The following SSBP2 variants were observed in gnomAD, a reference collection of about 807,000 sequenced individuals.
SSBP2 encodes single stranded DNA binding protein 2.
Under a neutral mutation model 61.8 loss-of-function variants are expected in SSBP2, and 17 were observed. That is an observed-to-expected ratio of 0.28 (90% confidence interval 0.19 to 0.41). The LOEUF (loss-of-function observed/expected upper bound fraction) is 0.41. Among genes scored for constraint, SSBP2 ranks in the 10% least tolerant of loss-of-function variants. SSBP2 has a pLI of 1.00. For missense variants in SSBP2, 310 were observed against 458.7 expected, an observed-to-expected ratio of 0.68 and a Z score of 2.96; for synonymous variants, 139 against 141.3, an observed-to-expected ratio of 0.98 and a Z score of 0.12.
intron 2 of SSBP2, among the ~76,000 whole-genome samples, chr5:81,641,698 C>A (rs947542458): frequency 1.3e-5 from 2 of 152,148 alleles, no homozygotes; most frequent in Admixed American, 1.3e-4. Context: ...AAACCACATT[C>A]ACTGTAGTAT....
intron 6 of SSBP2, among the ~76,000 whole-genome samples, chr5:81,478,836 T>G (rs1012569122): frequency 2.0e-5 from 3 of 152,206 alleles, no homozygotes; most frequent in Non-Finnish European, 4.4e-5. Context: ...GACACTTAAC[T>G]TCTGTCTCAT....
At chr5:81,433,171 G>A (rs970193014) in intron 15 of SSBP2, among the ~76,000 whole-genome samples, 320 of 152,196 alleles carry the variant, frequency 2.1e-3, no homozygotes, top group South Asian at 3.7e-3. Context: ...AGAAAAGGGG[G>A]AAAGGTGGGG....
At chr5:81,471,566 A>C (rs1765247812) in intron 8 of SSBP2, among the ~76,000 whole-genome samples, 1 of 152,034 alleles carries the variant, frequency 6.6e-6, no homozygotes, top group Non-Finnish European at 1.5e-5. Context: ...CTTAGCCAAT[A>C]AAATACCTAT....
At chr5:81,750,927 C>T (rs1757726113) in intron 1 of SSBP2, 54 bp downstream of exon 1, 1 of 1,534,194 alleles carries the variant, frequency 6.5e-7, no homozygotes, top group Non-Finnish European at 8.8e-7. Flanking sequence ...CGAGTGCGTG[C>T]GTGAGTGTGC....
At chr5:81,420,570 TC>T (rs778357305) in intron 16 of SSBP2, 37 bp from the exon 17 acceptor site, 2 of 1,569,114 alleles carry the variant, frequency 1.3e-6, no homozygotes, top group South Asian at 1.1e-5. Context: ...TAACAACAAT[TC>T]TTTTAGAGAT....
chr5:81,601,902 T>C (rs1744402999), intron 4 of SSBP2, among the ~76,000 whole-genome samples: 1 of 152,146 alleles, frequency 6.6e-6, no homozygotes, highest in Admixed American at 6.5e-5. Flanking sequence ...TCAAAACACC[T>C]AGTTATTCAG....
chr5:81,719,883 C>G (rs1276035794), intron 1 of SSBP2, among the ~76,000 whole-genome samples: 1 of 152,068 alleles, frequency 6.6e-6, no homozygotes, highest in Non-Finnish European at 1.5e-5. Flanking sequence ...TGCCTGTTAC[C>G]TGGCCCTGGG....
At chr5:81,667,375 A>G (rs1751235793) in intron 1 of SSBP2, among the ~76,000 whole-genome samples, 1 of 151,676 alleles carries the variant, frequency 6.6e-6, no homozygotes, top group African/African-American at 2.4e-5. Context: ...AGAGCAGGCA[A>G]AGAACCATTG....
intron 1 of SSBP2, among the ~76,000 whole-genome samples, chr5:81,730,653 T>A (rs1388187030): frequency 1.3e-5 from 2 of 152,230 alleles, no homozygotes; most frequent in African/African-American, 4.8e-5. Flanking sequence ...ATAATATAAA[T>A]TATAGGTCAT....
intron 1 of SSBP2, among the ~76,000 whole-genome samples, chr5:81,696,452 G>GA (rs1343004468): frequency 6.6e-6 from 1 of 152,210 alleles, no homozygotes; most frequent in South Asian, 2.1e-4. Flanking sequence ...CGAAGAAATG[G>GA]AAAAAATCCC....
At chr5:81,590,471 T>C (rs543343844) in intron 4 of SSBP2, among the ~76,000 whole-genome samples, 1 of 152,230 alleles carries the variant, frequency 6.6e-6, no homozygotes, top group Non-Finnish European at 1.5e-5. Context: ...ACATGAGCAC[T>C]TGATTATCTG....
intron 4 of SSBP2, among the ~76,000 whole-genome samples, chr5:81,573,789 A>G (rs1166563811): frequency 6.6e-6 from 1 of 152,242 alleles, no homozygotes; most frequent in African/African-American, 2.4e-5. Flanking sequence ...AACAAAAGAC[A>G]TAGAAACCAG....
At chr5:81,743,740 C>CTTT (rs1757178066) in intron 1 of SSBP2, among the ~76,000 whole-genome samples, 1 of 152,102 alleles carries the variant, frequency 6.6e-6, no homozygotes, top group African/African-American at 2.4e-5. Context: ...AGTTTTCCTC[C>CTTT]CTGATTGGTG....
At chr5:81,647,158 A>T in intron 2 of SSBP2, among the ~76,000 whole-genome samples, 1 of 152,144 alleles carries the variant, frequency 6.6e-6, no homozygotes, top group East Asian at 1.9e-4. Flanking sequence ...AAATAACTGT[A>T]CAAATAATAT....
chr5:81,522,546 AAATT>A, intron 4 of SSBP2, among the ~76,000 whole-genome samples: 2 of 152,236 alleles, frequency 1.3e-5, no homozygotes, highest in African/African-American at 4.8e-5. Context: ...CTAATCCCTA[AAATT>A]TGTTAAATAA....
chr5:81,613,977 G>C (rs2153599212), intron 4 of SSBP2, among the ~76,000 whole-genome samples: 1 of 152,272 alleles, frequency 6.6e-6, no homozygotes, highest in African/African-American at 2.4e-5. Flanking sequence ...AAGAGCTATT[G>C]TTCAGTGTGT....
At chr5:81,547,015 T>C (rs1445449590) in intron 4 of SSBP2, among the ~76,000 whole-genome samples, 9 of 102,594 alleles carry the variant, frequency 8.8e-5, no homozygotes, top group Non-Finnish European at 1.6e-4. Context: ...TGGGTTTTTA[T>C]AGTAAAGGGC....
At chr5:81,507,489 C>CA (rs1242522445) in intron 5 of SSBP2, among the ~76,000 whole-genome samples, 1 of 151,784 alleles carries the variant, frequency 6.6e-6, no homozygotes, top group Non-Finnish European at 1.5e-5. Context: ...TAAAAGAAAA[C>CA]AAAGGTCTAT....
At chr5:81,532,580 G>A (rs1770499480) in intron 4 of SSBP2, among the ~76,000 whole-genome samples, 1 of 151,852 alleles carries the variant, frequency 6.6e-6, no homozygotes, top group Non-Finnish European at 1.5e-5. Flanking sequence ...TTAAATATAA[G>A]TGGTCTAAAC....
Sources: gnomAD v4.1 joint callset for allele counts (sites outside exome capture counted in the v4.1 genomes callset) on GRCh38, gnomAD v4.1.1 for gene constraint, MANE v1.5 for transcripts, NCBI Gene and HGNC (gene_info 2026-07-23, HGNC 2026-07-21) for gene names.